GRM5: variants seen among roughly 807,000 people sequenced by gnomAD.
GRM5 encodes glutamate metabotropic receptor 5.
A neutral mutation model predicts 83.1 loss-of-function variants in GRM5; 19 were observed. That is an observed-to-expected ratio of 0.23 (90% CI 0.16 to 0.34). GRM5 has a LOEUF of 0.34. Among genes scored for constraint, GRM5 ranks in the 10% least tolerant of loss-of-function variants. The pLI is 1.00. For missense variants in GRM5, 1,160 were observed against 1,588.3 expected, an observed-to-expected ratio of 0.73 and a Z score of 4.58; for synonymous variants, 675 against 633.6, an observed-to-expected ratio of 1.07 and a Z score of -0.98.
At chr11:88,696,304 G>T (rs1940900873) in intron 3 of GRM5, among the ~76,000 whole-genome samples, 2 of 152,100 alleles carry the variant, frequency 1.3e-5, no homozygotes, top group Non-Finnish European at 2.9e-5. Flanking sequence ...GTCTGTGCCT[G>T]CTAGGGTTTC....
At chr11:89,044,158 T>G (rs1385673391) in intron 2 of GRM5, among the ~76,000 whole-genome samples, 3 of 152,212 alleles carry the variant, frequency 2.0e-5, no homozygotes, top group Non-Finnish European at 4.4e-5. Context: ...ATTTCCTTAG[T>G]GCAGAGAGAG....
At position 88,617,360 on chromosome 11, in the gene GRM5, A is replaced by G. The variant is rs1365593127; in HGVS notation, c.1148-12396T>C. On this transcript the variant is annotated intron_variant, in intron 4 of 9. Transcript: ENST00000305447. ...ATAAGTAGTAATAAGTGAATTGGGGAAAAATAACAGAACTCAAAACATCAC... is the reference window on the plus strand; with the variant it reads ...ATAAGTAGTAATAAGTGAATTGGGGGAAAATAACAGAACTCAAAACATCAC... Among the ~76,000 whole-genome samples, 6 of 152,136 alleles carry G rather than the reference A, an allele frequency of 3.9e-5. No individual in the cohort carries two copies. In the East Asian group the frequency reaches 9.6e-4, roughly 24 times the overall value.
In GRM5 at chr11:88,875,348, A is replaced by T. The variant is rs1944834231; in HGVS notation, c.662-25193T>A. On this transcript the variant is annotated intron_variant, in intron 2 of 9. Transcript: ENST00000305447. ...TCATCCACTCAAGTTTTACCATAAG[A>T]TTGTATAAATTCACATTGTGAGGCT... is the stretch of plus-strand genomic sequence containing the variant. Among the ~76,000 whole-genome samples, 3 of 151,946 alleles carry T rather than the reference A, an allele frequency of 2.0e-5. No individual in the cohort carries two copies. The South Asian group carries it at 6.2e-4, about 32-fold the overall frequency.
Position 88,597,235 on chromosome 11 carries a change from G to C in GRM5, c.1512C>G (p.Ser504Arg). Residue 504 changes from serine to arginine, a missense_variant, in exon 6 of 10, where the codon AGC becomes AGG. This residue lies in a region of GRM5 where 30 missense variants were observed against 19.7 expected (regional missense o/e 1.52). Transcript: ENST00000305447. ...MDDDEVWSKK[S>R]NIIRSVCSEP... ...CACTGCACACAGATCTGATGATGTT[G>C]CTTTTCTTGGACCATACTTCATCAT... 8 of 1,609,692 alleles carry C rather than the reference G, an allele frequency of 5.0e-6. No homozygotes were observed. The highest frequency in any genetic ancestry group is 5.1e-6 in the Non-Finnish European group (6 of 1,176,960).
chr11:88,507,778 C>A lies in GRM5; in HGVS notation c.*814G>T, dbSNP rs570140006. On this transcript the variant is annotated 3_prime_UTR_variant, in exon 10 of 10. Transcript: ENST00000305447. ...AGTGAGGGAATTACAAAACAGTATTCCAGAAAATATTTTTTTTGCTACTCC... is the reference window on the plus strand; with the variant it reads ...AGTGAGGGAATTACAAAACAGTATTACAGAAAATATTTTTTTTGCTACTCC... 6.5e-6 allele frequency: 1 copy of A among 152,708 alleles called. No homozygotes were observed. Among genetic ancestry groups the A allele is most frequent in the South Asian group, 2.1e-4 (1 of 4,814 alleles). The allele number at this position is 152,708 out of a possible 1,614,324, so 9.5% of individuals were successfully genotyped here. A position where few individuals can be genotyped will look rare whatever the true frequency, so the allele number is the denominator to read the frequency against.
chr11:88,767,091 C>T (rs2135445366), intron 3 of GRM5, among the ~76,000 whole-genome samples: 1 of 152,044 alleles, frequency 6.6e-6, no homozygotes, highest in East Asian at 1.9e-4. Flanking sequence ...TTCACTTCAA[C>T]CCCATCTTCA....
intron 2 of GRM5, among the ~76,000 whole-genome samples, chr11:88,968,266 A>T (rs1269592117): frequency 6.6e-6 from 1 of 152,150 alleles, no homozygotes; most frequent in Non-Finnish European, 1.5e-5. Flanking sequence ...TACAAAAGAG[A>T]GAAGGCTTAA....
chr11:88,593,328 T>G (rs1346054746), intron 6 of GRM5, among the ~76,000 whole-genome samples: 2 of 152,046 alleles, frequency 1.3e-5, no homozygotes, highest in Non-Finnish European at 2.9e-5. Context: ...AAAATGGAGT[T>G]TGGGATTTTT....
rs1941180666 is a variant in GRM5, at chr11:88,506,239, A to T, written c.*2353T>A. On this transcript the variant is annotated 3_prime_UTR_variant, in exon 10 of 10. Coordinates refer to ENST00000305447, the MANE Select transcript of GRM5 (RefSeq NM_001143831.3). ...CTTTTTAAGAGATATGTTACTAAAAAAATAGAAAATGAATTTGACCATGAA... is the reference window on the plus strand; with the variant it reads ...CTTTTTAAGAGATATGTTACTAAAATAATAGAAAATGAATTTGACCATGAA... 6.6e-6 allele frequency: 1 copy of T among 152,226 alleles called. No individual in the cohort carries two copies. The highest frequency in any genetic ancestry group is 2.4e-5 in the African/African-American group (1 of 41,462). The allele number at this position is 152,226 out of a possible 1,614,324, so 9.4% of individuals were successfully genotyped here.
chr11:88,774,325 C>T (rs1942803191), intron 3 of GRM5, among the ~76,000 whole-genome samples: 1 of 152,162 alleles, frequency 6.6e-6, no homozygotes, highest in Non-Finnish European at 1.5e-5. Flanking sequence ...GCTGAAGTTG[C>T]TTATCAGCTT....
At chr11:88,603,646 A>C (rs915478760) in intron 5 of GRM5, among the ~76,000 whole-genome samples, 2 of 152,252 alleles carry the variant, frequency 1.3e-5, no homozygotes, top group South Asian at 2.1e-4. Context: ...AAGAAAAAAA[A>C]CCTGGGTTTT....
chr11:88,752,350 C>T lies in GRM5; in HGVS notation c.911+97556G>A, dbSNP rs142539899. On this transcript the variant is annotated intron_variant, in intron 3 of 9. Coordinates refer to ENST00000305447, the MANE Select transcript of GRM5 (RefSeq NM_001143831.3). ...CCAATCATGAATGAACTCCCATTCA[C>T]AATTGCTACAAAAAGAATAAAATAC... Among the ~76,000 whole-genome samples the T allele has an allele frequency of 6.0e-3, 906 of 152,202 alleles. 18 individuals are homozygous for T. The East Asian group carries it at 0.071, about 12-fold the overall frequency.
At chr11:88,999,307 C>G (rs534743770) in intron 2 of GRM5, among the ~76,000 whole-genome samples, 2 of 152,264 alleles carry the variant, frequency 1.3e-5, no homozygotes, top group South Asian at 2.1e-4. Flanking sequence ...AGGCAACCTA[C>G]AGAATGGGAG....
chr11:88,614,162 C>CT (rs1327284213), intron 4 of GRM5, among the ~76,000 whole-genome samples: 2 of 152,088 alleles, frequency 1.3e-5, no homozygotes, highest in Admixed American at 6.6e-5. Context: ...ATTTTTCTCT[C>CT]TTTTGAACAG....
intron 3 of GRM5, among the ~76,000 whole-genome samples, chr11:88,708,354 C>G (rs561801740): frequency 6.6e-6 from 1 of 152,128 alleles, no homozygotes; most frequent in South Asian, 2.1e-4. Context: ...GCATGAGATT[C>G]AGTGGTATTT....
chr11:88,712,020 C>A (rs534836253), intron 3 of GRM5, among the ~76,000 whole-genome samples: 34 of 152,136 alleles, frequency 2.2e-4, no homozygotes, highest in Non-Finnish European at 3.8e-4. Context: ...AGTTTTTTCT[C>A]AGACAGTGTT....
chr11:88,695,261 G>A (rs1281657155), intron 3 of GRM5, among the ~76,000 whole-genome samples: 2 of 151,974 alleles, frequency 1.3e-5, no homozygotes, highest in East Asian at 1.9e-4. Flanking sequence ...AAATAAGTTT[G>A]TTTTATAATA....
intron 3 of GRM5, among the ~76,000 whole-genome samples, chr11:88,739,572 G>A (rs1478798283): frequency 6.6e-6 from 1 of 152,004 alleles, no homozygotes; most frequent in Non-Finnish European, 1.5e-5. Context: ...TCCCACGTGG[G>A]GAGGGTGGAA....
chr11:89,028,121 C>A (rs1184269591), intron 2 of GRM5, among the ~76,000 whole-genome samples: 1 of 152,120 alleles, frequency 6.6e-6, no homozygotes, highest in Non-Finnish European at 1.5e-5. Flanking sequence ...GAATTGTGAG[C>A]CAATACATTT....
Sources: allele counts gnomAD v4.1 joint callset (sites outside exome capture counted in the v4.1 genomes callset), GRCh38; gene constraint gnomAD v4.1.1; regional missense constraint gnomAD v4.1.1; transcripts MANE v1.5; gene names NCBI Gene and HGNC (gene_info 2026-07-23, HGNC 2026-07-21).